Variants in REDIC1 observed in about 807,000 individuals in gnomAD.
REDIC1 encodes HEI10 Interacting Protein 1.
the REDIC1 span, among the ~76,000 whole-genome samples, chr12:39,828,846 A>G: frequency 6.6e-6 from 1 of 152,154 alleles, no homozygotes; most frequent in South Asian, 2.1e-4. Context: ...AGTATTTTTA[A>G]AAGAAACTCT....
At chr12:39,725,823 C>G in the REDIC1 span, among the ~76,000 whole-genome samples, 1 of 151,888 alleles carries the variant, frequency 6.6e-6, no homozygotes, top group Admixed American at 6.6e-5. Flanking sequence ...CAGCAAAACA[C>G]AACCGTATGA....
At chr12:39,643,981 A>G in the REDIC1 span, 1 of 1,263,304 alleles carries the variant, frequency 7.9e-7, no homozygotes. Flanking sequence ...TTAGTCTTCT[A>G]ATTAGTTTGT....
At chr12:39,896,260 A>T in the REDIC1 span, among the ~76,000 whole-genome samples, 1 of 94,806 alleles carries the variant, frequency 1.1e-5, no homozygotes, top group Non-Finnish European at 2.4e-5. Flanking sequence ...ATGTATGTAT[A>T]TGTGTGTATA....
At chr12:39,733,078 C>CACACACAA in the REDIC1 span, among the ~76,000 whole-genome samples, 7 of 151,590 alleles carry the variant, frequency 4.6e-5, no homozygotes, top group Non-Finnish European at 1.0e-4. Context: ...TGCACACACA[C>CACACACAA]ACACACACAC....
At chr12:39,740,549 G>A in the REDIC1 span, among the ~76,000 whole-genome samples, 2 of 152,276 alleles carry the variant, frequency 1.3e-5, no homozygotes, top group African/African-American at 2.4e-5. Flanking sequence ...CAAGGTATAA[G>A]TGATACATTA....
the REDIC1 span, chr12:39,908,191 C>T: frequency 6.6e-6 from 1 of 151,960 alleles, no homozygotes; most frequent in African/African-American, 2.4e-5. Flanking sequence ...TCTGGATACA[C>T]AAAGAGCCAT....
the REDIC1 span, among the ~76,000 whole-genome samples, chr12:39,639,988 A>G: frequency 6.6e-6 from 1 of 151,860 alleles, no homozygotes; most frequent in African/African-American, 2.4e-5. Context: ...TAAATACTGC[A>G]CTATCATTGG....
At chr12:39,898,377 C>G in the REDIC1 span, among the ~76,000 whole-genome samples, 1 of 152,230 alleles carries the variant, frequency 6.6e-6, no homozygotes, top group Non-Finnish European at 1.5e-5. Context: ...TGTTTAGGTT[C>G]TACAAATCTC....
chr12:39,727,463 A>G, the REDIC1 span, among the ~76,000 whole-genome samples: 1 of 152,032 alleles, frequency 6.6e-6, no homozygotes, highest in South Asian at 2.1e-4. Context: ...ATGGTTGTAG[A>G]TGTGTGGCAT....
chr12:39,633,959 T>A, the REDIC1 span, among the ~76,000 whole-genome samples: 1 of 152,214 alleles, frequency 6.6e-6, no homozygotes. Context: ...TTTTTCCAAC[T>A]CTGTAAAGAA....
At chr12:39,747,080 G>C in the REDIC1 span, among the ~76,000 whole-genome samples, 4 of 152,218 alleles carry the variant, frequency 2.6e-5, no homozygotes, top group African/African-American at 7.2e-5. Context: ...GACAGAGAAT[G>C]ACTTTGACAA....
the REDIC1 span, among the ~76,000 whole-genome samples, chr12:39,711,635 A>ATGTGTATACACGTATGTG: frequency 4.5e-3 from 59 of 13,254 alleles, 1 homozygote; most frequent in South Asian, 0.025. Context: ...ACGTATGTGT[A>ATGTGTATACACGTATGTG]TATGTGTATA....
At chr12:39,888,532 A>C in the REDIC1 span, among the ~76,000 whole-genome samples, 2 of 152,184 alleles carry the variant, frequency 1.3e-5, no homozygotes, top group Non-Finnish European at 2.9e-5. Flanking sequence ...GCCCATTCTA[A>C]GTTTTTACTT....
the REDIC1 span, among the ~76,000 whole-genome samples, chr12:39,686,202 T>C: frequency 2.0e-5 from 3 of 152,362 alleles, no homozygotes; most frequent in East Asian, 5.8e-4. Context: ...TTGGAGACTC[T>C]CTGTGGGGGC....
At chr12:39,835,728 A>G in the REDIC1 span, 1 of 152,128 alleles carries the variant, frequency 6.6e-6, no homozygotes, top group Non-Finnish European at 1.5e-5. Flanking sequence ...AGGGTGGATC[A>G]CCAATATATA....
At chr12:39,792,769 A>T in the REDIC1 span, among the ~76,000 whole-genome samples, 1 of 150,752 alleles carries the variant, frequency 6.6e-6, no homozygotes, top group African/African-American at 2.4e-5. Context: ...GTAGATTTAG[A>T]ACCCACTGAT....
chr12:39,643,343 C>CT, the REDIC1 span, among the ~76,000 whole-genome samples: 47 of 150,130 alleles, frequency 3.1e-4, no homozygotes, highest in African/African-American at 9.1e-4. Context: ...TTGCACATAG[C>CT]TTTTTTTTTC....
the REDIC1 span, among the ~76,000 whole-genome samples, chr12:39,895,347 G>A: frequency 1.1e-4 from 17 of 151,080 alleles, no homozygotes; most frequent in Non-Finnish European, 1.8e-4. Context: ...AAAATTAGCC[G>A]GGCTTGGTGG....
chr12:39,856,673 C>T, the REDIC1 span, among the ~76,000 whole-genome samples: 93,070 of 152,040 alleles, frequency 0.61, 28,688 homozygotes, highest in East Asian at 0.77. Context: ...AGCCCCTATG[C>T]TTTGTTTTTA....
Sources: gnomAD v4.1 joint callset for allele counts (sites outside exome capture counted in the v4.1 genomes callset) on GRCh38, gnomAD v4.1.1 for gene constraint, MANE v1.5 for transcripts, NCBI Gene and HGNC (gene_info 2026-07-23, HGNC 2026-07-21) for gene names.